The following CNTN5 variants were observed in gnomAD, a reference collection of about 807,000 sequenced individuals.
CNTN5 encodes the protein contactin-5.
A neutral mutation model predicts 129.1 loss-of-function variants in CNTN5; 77 were observed. The observed-to-expected ratio is 0.60, with a 90% CI of 0.50 to 0.72. CNTN5 has a LOEUF of 0.72. Ranked by LOEUF, CNTN5 falls within the 30% of genes least tolerant of loss-of-function variation. The probability of loss-of-function intolerance (pLI) is 0.00; values close to 1 mark genes in which losing one functional copy is unlikely to be tolerated. For synonymous variants in CNTN5, 509 were observed against 465.6 expected, an observed-to-expected ratio of 1.09 and a Z score of -1.20; for missense variants, 1,478 against 1,328.8, an observed-to-expected ratio of 1.11 and a Z score of -1.75.
intron 3 of CNTN5, among the ~76,000 whole-genome samples, chr11:99,805,075 AAG>A (rs148939872): frequency 9.9e-4 from 150 of 152,232 alleles, no homozygotes; most frequent in African/African-American, 3.6e-3. Flanking sequence ...AATTTCGACA[AAG>A]AGAGTCTTTC....
chr11:99,437,502 C>T (rs7114689), intron 2 of CNTN5, among the ~76,000 whole-genome samples: 38,972 of 152,060 alleles, frequency 0.26, 5,163 homozygotes, highest in Middle Eastern at 0.37. Context: ...ACATCTTTTT[C>T]GTTTTTAAGC....
intron 3 of CNTN5, among the ~76,000 whole-genome samples, chr11:99,771,209 G>A (rs2135335869): frequency 6.6e-6 from 1 of 152,056 alleles, no homozygotes; most frequent in South Asian, 2.1e-4. Context: ...GAAGAATCCA[G>A]CAATCTTCTG....
chr11:100,163,093 A>G (rs1947512855), intron 13 of CNTN5, among the ~76,000 whole-genome samples: 1 of 151,798 alleles, frequency 6.6e-6, no homozygotes, highest in Non-Finnish European at 1.5e-5. Flanking sequence ...GGCAAAAATT[A>G]TCTTTCAAAA....
At chr11:99,280,744 G>A (rs1242808019) in intron 1 of CNTN5, among the ~76,000 whole-genome samples, 1 of 151,732 alleles carries the variant, frequency 6.6e-6, no homozygotes, top group African/African-American at 2.4e-5. Flanking sequence ...CCAGTAATAA[G>A]CCAGTTGCAA....
At chr11:100,281,500 C>T (rs1448693491) in intron 18 of CNTN5, among the ~76,000 whole-genome samples, 1 of 152,076 alleles carries the variant, frequency 6.6e-6, no homozygotes, top group Middle Eastern at 3.2e-3. Context: ...CTTTCTCTTA[C>T]TGTTTTTAGG....
chr11:99,176,414 C>A (rs1425770980), intron 1 of CNTN5, among the ~76,000 whole-genome samples: 1 of 152,172 alleles, frequency 6.6e-6, no homozygotes, highest in Non-Finnish European at 1.5e-5. Flanking sequence ...ATTCAATTGT[C>A]TGCATAACCT....
chr11:100,072,197 C>A (rs1363023), intron 12 of CNTN5, among the ~76,000 whole-genome samples: 25,823 of 152,144 alleles, frequency 0.17, 2,253 homozygotes, highest in African/African-American at 0.18. Context: ...CCTGTCCATG[C>A]TCCCATAGCA....
chr11:99,655,436 G>GC (rs2135896005), intron 3 of CNTN5, among the ~76,000 whole-genome samples: 1 of 152,214 alleles, frequency 6.6e-6, no homozygotes, highest in East Asian at 1.9e-4. Flanking sequence ...TAGCTTAAAA[G>GC]TTAGATATGC....
At chr11:99,232,868 A>C (rs1015122805) in intron 1 of CNTN5, among the ~76,000 whole-genome samples, 1 of 152,204 alleles carries the variant, frequency 6.6e-6, no homozygotes, top group Non-Finnish European at 1.5e-5. Context: ...ATTCATCAAA[A>C]ACCGAGCTTC....
intron 13 of CNTN5, among the ~76,000 whole-genome samples, chr11:100,075,908 A>C (rs914230377): frequency 6.6e-6 from 1 of 152,120 alleles, no homozygotes; most frequent in Non-Finnish European, 1.5e-5. Context: ...AGTCTTCTTC[A>C]GGTCAAGGTA....
chr11:99,458,210 T>A (rs1944562788), intron 2 of CNTN5, among the ~76,000 whole-genome samples: 1 of 152,006 alleles, frequency 6.6e-6, no homozygotes, highest in Non-Finnish European at 1.5e-5. Flanking sequence ...GTGTTAATTC[T>A]ATCCTTATTT....
chr11:99,957,298 C>A (rs922385650), intron 8 of CNTN5, among the ~76,000 whole-genome samples: 2 of 152,162 alleles, frequency 1.3e-5, no homozygotes, highest in Non-Finnish European at 2.9e-5. Flanking sequence ...CTCCACAGTT[C>A]TTTCCTTTGC....
chr11:99,655,984 G>A (rs1952345888), intron 3 of CNTN5, among the ~76,000 whole-genome samples: 1 of 151,978 alleles, frequency 6.6e-6, no homozygotes, highest in East Asian at 1.9e-4. Flanking sequence ...ATGCATGTGT[G>A]TATATATATG....
intron 3 of CNTN5, among the ~76,000 whole-genome samples, chr11:99,642,789 C>A (rs4754637): frequency 0.6 from 91,321 of 151,962 alleles, 28,284 homozygotes; most frequent in Admixed American, 0.69. Context: ...AACCACTGCT[C>A]TACTCTGCCT....
chr11:100,183,574 A>G (rs574597983), intron 13 of CNTN5, among the ~76,000 whole-genome samples: 2 of 152,176 alleles, frequency 1.3e-5, no homozygotes, highest in Admixed American at 6.6e-5. Context: ...AAACTAACTT[A>G]TCGTGATGGG....
chr11:99,875,049 G>A (rs7930091), intron 6 of CNTN5, among the ~76,000 whole-genome samples: 122,527 of 152,114 alleles, frequency 0.81, 49,581 homozygotes, highest in East Asian at 0.91. Context: ...GCTCATTGCT[G>A]TAGCGTTAGT....
Position 99,896,997 on chromosome 11 carries a change from T to C in CNTN5, c.578-19057T>C, listed in dbSNP as rs115983570. ...CTGAAAGTTCTGCCAGTGACCCGGG[T>C]ACCAGCCCATCCCTCCCCATCATAG... is the stretch of plus-strand genomic sequence containing the variant. On this transcript the variant is annotated intron_variant, in intron 6 of 24. Coordinates refer to ENST00000524871, the MANE Select transcript of CNTN5 (RefSeq NM_014361.4). 3.0e-3 allele frequency among the ~76,000 whole-genome samples: 452 copies of C among 152,150 alleles called. 1 individual carries two copies. The highest frequency in any genetic ancestry group is 5.2e-3 in the Non-Finnish European group (351 of 67,998).
At chr11:100,138,235 G>C (rs1434067726) in intron 13 of CNTN5, among the ~76,000 whole-genome samples, 4 of 137,178 alleles carry the variant, frequency 2.9e-5, no homozygotes. Context: ...TGGATATATA[G>C]TCCTGGCACT....
intron 7 of CNTN5, among the ~76,000 whole-genome samples, chr11:99,950,342 G>A (rs779517465): frequency 2.6e-5 from 4 of 152,142 alleles, no homozygotes; most frequent in Non-Finnish European, 4.4e-5. Flanking sequence ...TTAGCCAGGT[G>A]TGGTGGTGGG....
Sources: allele counts gnomAD v4.1 joint callset (sites outside exome capture counted in the v4.1 genomes callset), GRCh38; gene constraint gnomAD v4.1.1; transcripts MANE v1.5; gene names NCBI Gene and HGNC (gene_info 2026-07-23, HGNC 2026-07-21).